The following CNOT4 variants were observed in gnomAD, a reference collection of about 807,000 sequenced individuals.
The protein encoded by CNOT4 is CCR4-NOT transcription complex subunit 4, also known as CCR4-associated factor 4.
Under a neutral mutation model 73.8 loss-of-function variants are expected in CNOT4, and 8 were observed. The ratio of observed to expected loss-of-function variants is 0.11; its 90% CI spans 0.06 to 0.20. The LOEUF (loss-of-function observed/expected upper bound fraction) is 0.20, where lower values mean the gene tolerates loss of function less well. Ranked by LOEUF, CNOT4 falls within the 10% of genes least tolerant of loss-of-function variation. The pLI is 1.00. For synonymous variants in CNOT4, 293 were observed against 321.1 expected (o/e 0.91, Z 0.94); for missense variants, 564 against 883.4 (o/e 0.64, Z 4.58).
At chr7:135,475,095 A>G (rs1037002799) in intron 1 of CNOT4, among the ~76,000 whole-genome samples, 2 of 152,206 alleles carry the variant, frequency 1.3e-5, no homozygotes, top group African/African-American at 4.8e-5. Context: ...TGTACTCCAA[A>G]GGTGTTATCT....
In CNOT4 at chr7:135,396,419, CTCCTCT is replaced by C. The variant is rs1189580943; in HGVS notation, c.880-542_880-537del. Among the ~76,000 whole-genome samples the C allele has an allele frequency of 1.2e-3, 177 of 152,150 alleles. No individual in the cohort carries two copies. The South Asian group carries it at 0.012, about 10-fold the overall frequency. On this transcript the variant is annotated intron_variant, in intron 8 of 11. Coordinates refer to ENST00000541284, the MANE Select transcript of CNOT4 (RefSeq NM_001190850.2). ...GGCATGAGCCACCGTGCCCGGCCAT[CTCCTCT>C]CTTTTTACAACTTTACTTCTCTCAC...
At chr7:135,491,508 A>C (rs1227480270) in intron 1 of CNOT4, among the ~76,000 whole-genome samples, 3 of 152,226 alleles carry the variant, frequency 2.0e-5, no homozygotes, top group Non-Finnish European at 4.4e-5. Flanking sequence ...TCATCACCCA[A>C]GATAATGACA....
At chr7:135,459,680 T>C (rs187007506) in intron 1 of CNOT4, among the ~76,000 whole-genome samples, 167 of 152,316 alleles carry the variant, frequency 1.1e-3, no homozygotes, top group African/African-American at 2.8e-3. Flanking sequence ...AGATTTAGCA[T>C]AATTCCTAAG....
At chr7:135,410,422 C>CA in intron 7 of CNOT4, 93 bp downstream of exon 7, 1 of 840,670 alleles carries the variant, frequency 1.2e-6, no homozygotes, top group South Asian at 2.5e-5. Context: ...CAGACCTTGT[C>CA]AACAAGGATT....
chr7:135,446,674 T>C (rs942862162), intron 1 of CNOT4, among the ~76,000 whole-genome samples: 7 of 151,962 alleles, frequency 4.6e-5, no homozygotes, highest in Non-Finnish European at 8.8e-5. Context: ...ATATACACTG[T>C]AATTATACAT....
intron 2 of CNOT4, among the ~76,000 whole-genome samples, chr7:135,429,315 T>C (rs982640925): frequency 6.6e-6 from 1 of 152,204 alleles, no homozygotes; most frequent in Non-Finnish European, 1.5e-5. Flanking sequence ...TTGATATTTT[T>C]CTTGAATATG....
intron 1 of CNOT4, among the ~76,000 whole-genome samples, chr7:135,451,688 ATAGTGAC>A (rs1800177880): frequency 6.6e-6 from 1 of 152,234 alleles, no homozygotes. Flanking sequence ...TAAACTGCTA[ATAGTGAC>A]TACCTTTAGG....
chr7:135,436,191 CTATTT>C (rs1480272994), intron 2 of CNOT4, among the ~76,000 whole-genome samples: 1 of 151,760 alleles, frequency 6.6e-6, no homozygotes, highest in Non-Finnish European at 1.5e-5. Flanking sequence ...TTAAAATCTT[CTATTT>C]TTTTTTCTTT....
intron 1 of CNOT4, among the ~76,000 whole-genome samples, chr7:135,441,404 AT>A (rs1223960354): frequency 6.6e-6 from 1 of 151,612 alleles, no homozygotes; most frequent in Non-Finnish European, 1.5e-5. Context: ...TCAAAATAAA[AT>A]TAAAAAAAAA....
At chr7:135,365,961 G>A (rs1037793674) in intron 10 of CNOT4, among the ~76,000 whole-genome samples, 1 of 152,168 alleles carries the variant, frequency 6.6e-6, no homozygotes, top group Non-Finnish European at 1.5e-5. Context: ...TTTTAAAGCA[G>A]TCCAACTGTC....
At chr7:135,434,537 T>C (rs375332066) in intron 2 of CNOT4, among the ~76,000 whole-genome samples, 57 of 152,342 alleles carry the variant, frequency 3.7e-4, no homozygotes, top group African/African-American at 1.3e-3. Context: ...ACCTCTGTAA[T>C]CTGGATTTCT....
chr7:135,503,706 G>A (rs1004219064), intron 1 of CNOT4, among the ~76,000 whole-genome samples: 2 of 152,100 alleles, frequency 1.3e-5, no homozygotes, highest in African/African-American at 4.8e-5. Context: ...AGAAAAATGT[G>A]TGCAGAAAGA....
chr7:135,488,075 G>GA (rs1328852027), intron 1 of CNOT4, among the ~76,000 whole-genome samples: 3 of 140,766 alleles, frequency 2.1e-5, no homozygotes, highest in East Asian at 2.1e-4. Context: ...TCTCAAAGAA[G>GA]AAAAAAAAGA....
chr7:135,402,875 T>C (rs923981019), intron 7 of CNOT4, among the ~76,000 whole-genome samples: 1 of 152,198 alleles, frequency 6.6e-6, no homozygotes, highest in South Asian at 2.1e-4. Context: ...ACTTCCTTAA[T>C]GGCGATGCCA....
chr7:135,365,398 T>C (rs924009523), intron 10 of CNOT4, among the ~76,000 whole-genome samples: 6 of 114,164 alleles, frequency 5.3e-5, no homozygotes, highest in Non-Finnish European at 8.9e-5. Context: ...ACATTTCTTA[T>C]ATTTGCATAT....
At chr7:135,399,217 G>T (rs1254218246) in intron 7 of CNOT4, among the ~76,000 whole-genome samples, 1 of 152,012 alleles carries the variant, frequency 6.6e-6, no homozygotes, top group Non-Finnish European at 1.5e-5. Flanking sequence ...TTTGAGACAT[G>T]CATTGATAGG....
chr7:135,486,199 T>TA (rs1215637784), intron 1 of CNOT4, among the ~76,000 whole-genome samples: 6 of 151,498 alleles, frequency 4.0e-5, no homozygotes, highest in South Asian at 2.1e-4. Context: ...CTCAAGAGAT[T>TA]AAAAAAAATC....
At chr7:135,429,341 T>C (rs1017158365) in intron 2 of CNOT4, among the ~76,000 whole-genome samples, 5 of 152,206 alleles carry the variant, frequency 3.3e-5, no homozygotes, top group African/African-American at 1.2e-4. Context: ...AGTCAATTGG[T>C]TCTACAAGTT....
intron 1 of CNOT4, among the ~76,000 whole-genome samples, chr7:135,463,291 A>G (rs973858945): frequency 9.2e-5 from 14 of 152,166 alleles, no homozygotes; most frequent in Admixed American, 7.9e-4. Context: ...TAATCCCAGC[A>G]CTTTGGGAGG....
Sources: allele counts gnomAD v4.1 joint callset (sites outside exome capture counted in the v4.1 genomes callset), GRCh38; gene constraint gnomAD v4.1.1; transcripts MANE v1.5; gene names NCBI Gene and HGNC (gene_info 2026-07-23, HGNC 2026-07-21).